The following CCDC167 variants were observed in gnomAD, a reference collection of about 807,000 sequenced individuals.
The protein encoded by CCDC167 is coiled-coil domain containing 167, also known as coiled-coil domain-containing protein 167.
A neutral mutation model predicts 12.7 loss-of-function variants in CCDC167; 15 were observed. The observed-to-expected ratio is 1.18, with a 90% CI of 0.79 to 1.81. CCDC167 has a LOEUF of 1.81. CCDC167 is among the 40% of genes most tolerant of loss of function. The pLI is 0.00. For synonymous variants in CCDC167, 52 were observed against 49.0 expected (o/e 1.06, Z -0.26); for missense variants, 121 against 120.1 (o/e 1.01, Z -0.03).
Position 37,485,173 on chromosome 6 carries a change from GCTT to G in CCDC167, c.61_63del (p.Lys21del), listed in dbSNP as rs1761926697. Reference sequence around the variant, plus strand: ...TCCAGGTCTCTCCGACACTGGGACAGCTTCTCCTCTAGCCCATCGATCTGAAAC... The same window carrying G: ...TCCAGGTCTCTCCGACACTGGGACAGCTCCTCTAGCCCATCGATCTGAAAC... On this transcript the variant is annotated inframe_deletion, in exon 2 of 4. Coordinates refer to ENST00000373408, the MANE Select transcript of CCDC167 (RefSeq NM_138493.3). The G allele has an allele frequency of 6.2e-7, 1 of 1,613,354 alleles. No individual in the cohort carries two copies. The highest frequency in any genetic ancestry group is 1.3e-5 in the African/African-American group (1 of 74,926).
At chr6:37,496,546 G>C (rs1458747026) in intron 1 of CCDC167, among the ~76,000 whole-genome samples, 9 of 152,246 alleles carry the variant, frequency 5.9e-5, no homozygotes, top group African/African-American at 2.2e-4. Context: ...TGAAATTCAA[G>C]TCCTTCATGT....
intron 1 of CCDC167, among the ~76,000 whole-genome samples, chr6:37,497,503 G>A (rs1762112270): frequency 7.3e-6 from 1 of 136,072 alleles, no homozygotes; most frequent in African/African-American, 2.8e-5. Context: ...TTGGATTTAG[G>A]AATGCCAGAC....
intron 1 of CCDC167, among the ~76,000 whole-genome samples, chr6:37,495,026 C>T (rs145342332): frequency 0.02 from 3,009 of 152,126 alleles, 82 homozygotes; most frequent in African/African-American, 0.066. Context: ...TCTCGAACTC[C>T]TGACCTCAAA....
intron 1 of CCDC167, among the ~76,000 whole-genome samples, chr6:37,485,656 C>T (rs982710928): frequency 2.0e-5 from 3 of 152,212 alleles, no homozygotes; most frequent in East Asian, 1.9e-4. Flanking sequence ...ACACTCCACA[C>T]GTGTGGGGCC....
At chr6:37,484,260 A>G (rs958832784) in intron 3 of CCDC167, among the ~76,000 whole-genome samples, 13 of 152,186 alleles carry the variant, frequency 8.5e-5, no homozygotes, top group African/African-American at 3.1e-4. Context: ...AGGAGCACCT[A>G]TAGACCGTGG....
intron 1 of CCDC167, among the ~76,000 whole-genome samples, chr6:37,489,051 C>T (rs2113906272): frequency 6.6e-6 from 1 of 152,200 alleles, no homozygotes; most frequent in East Asian, 1.9e-4. Context: ...TCCTGGCCAA[C>T]ATGGTGAAAC....
In CCDC167 at chr6:37,489,589, G is replaced by A. The variant is rs1027772806; in HGVS notation, c.43-4395C>T. 3.3e-5 allele frequency among the ~76,000 whole-genome samples: 5 copies of A among 152,240 alleles called. No individual in the cohort carries two copies. In the East Asian group the frequency reaches 9.6e-4, roughly 29 times the overall value. On this transcript the variant is annotated intron_variant, in intron 1 of 3. Transcript: ENST00000373408. ...CATGTCCAAGGTGGAACAGCCTGGG[G>A]GCGGTCTGGGCATCAGTGGGCATCT... is the stretch of plus-strand genomic sequence containing the variant.
Position 37,483,285 on chromosome 6 carries a change from C to G in CCDC167, c.195G>C (p.Lys65Asn). 6.2e-7 allele frequency: 1 copy of G among 1,612,728 alleles called. No homozygotes were observed. Among genetic ancestry groups the G allele is most frequent in the East Asian group, 2.2e-5 (1 of 44,872 alleles). ...SLMNKASNYE[K>N]ELKFLRQENR... ...TCTCTTGCCGAAGAAACTTCAGTTC[C>G]TTCTCTGGGAGGAAAGAGGGTGATA... is the stretch of plus-strand genomic sequence containing the variant. The change falls in exon 4 of 4, where the codon AAG becomes AAC. Residue 65 changes from lysine to asparagine, a missense_variant. By Grantham distance (94) the Lys-to-Asn change is moderately conservative (BLOSUM62 0). Transcript: ENST00000373408.
chr6:37,486,696 AAGG>A (rs1180630319), intron 1 of CCDC167, among the ~76,000 whole-genome samples: 4 of 152,162 alleles, frequency 2.6e-5, no homozygotes, highest in Non-Finnish European at 5.9e-5. Context: ...GGGCACCCAA[AAGG>A]AGGGCTGTCC....
intron 1 of CCDC167, among the ~76,000 whole-genome samples, chr6:37,499,184 A>G (rs1433631738): frequency 6.6e-6 from 1 of 152,238 alleles, no homozygotes; most frequent in African/African-American, 2.4e-5. Flanking sequence ...GTGAGGATTA[A>G]CAATGCAATG....
chr6:37,492,209 C>T (rs1425858829), intron 1 of CCDC167, among the ~76,000 whole-genome samples: 1 of 152,214 alleles, frequency 6.6e-6, no homozygotes, highest in Non-Finnish European at 1.5e-5. Flanking sequence ...GCTCTTTCCA[C>T]CACTTCAAGC....
intron 1 of CCDC167, among the ~76,000 whole-genome samples, chr6:37,496,540 A>G (rs772858345): frequency 8.5e-5 from 13 of 152,312 alleles, no homozygotes; most frequent in East Asian, 3.9e-4. Context: ...CCCTGGTGAA[A>G]TTCAAGTCCT....
chr6:37,484,972 G>A, intron 2 of CCDC167, 110 bp from the exon 3 acceptor site: 2 of 1,464,012 alleles, frequency 1.4e-6, no homozygotes, highest in African/African-American at 1.4e-5. Context: ...GGCAGGGGGG[G>A]TGTGCACTGA....
At chr6:37,488,910 G>GT (rs1297914743) in intron 1 of CCDC167, among the ~76,000 whole-genome samples, 1 of 152,210 alleles carries the variant, frequency 6.6e-6, no homozygotes, top group African/African-American at 2.4e-5. Flanking sequence ...AGAAAACCTG[G>GT]TTAGTCCATG....
At chr6:37,494,180 C>T (rs1762067695) in intron 1 of CCDC167, among the ~76,000 whole-genome samples, 1 of 151,774 alleles carries the variant, frequency 6.6e-6, no homozygotes, top group Non-Finnish European at 1.5e-5. Context: ...ATTCTCCTGC[C>T]TCAGCCTCCC....
chr6:37,485,828 G>A (rs1278785570), intron 1 of CCDC167, among the ~76,000 whole-genome samples: 4 of 152,184 alleles, frequency 2.6e-5, no homozygotes, highest in Non-Finnish European at 5.9e-5. Flanking sequence ...CTCTGACTTG[G>A]TTCTTAAGCA....
intron 1 of CCDC167, among the ~76,000 whole-genome samples, chr6:37,498,883 C>T (rs1199966650): frequency 1.3e-5 from 2 of 152,044 alleles, no homozygotes; most frequent in African/African-American, 4.8e-5. Context: ...CTGAATTACT[C>T]GGGGTGTGGG....
At chr6:37,491,704 A>G (rs1163483680) in intron 1 of CCDC167, among the ~76,000 whole-genome samples, 1 of 152,208 alleles carries the variant, frequency 6.6e-6, no homozygotes, top group African/African-American at 2.4e-5. Context: ...GCAAAATGGA[A>G]CCACAACAGT....
At chr6:37,489,784 G>T (rs556329559) in intron 1 of CCDC167, among the ~76,000 whole-genome samples, 165 of 152,354 alleles carry the variant, frequency 1.1e-3, no homozygotes, top group Middle Eastern at 6.8e-3. Context: ...CTGCCCGACA[G>T]GCTGCATAGT....
Sources: allele counts gnomAD v4.1 joint callset (sites outside exome capture counted in the v4.1 genomes callset), GRCh38; gene constraint gnomAD v4.1.1; transcripts MANE v1.5; gene names NCBI Gene and HGNC (gene_info 2026-07-23, HGNC 2026-07-21).